The following CTNNA3 variants were observed in gnomAD, a reference collection of about 807,000 sequenced individuals.
CTNNA3 encodes the protein catenin alpha 3.
In CTNNA3, 76 loss-of-function variants were observed where a neutral mutation model predicts 95.7. The observed-to-expected ratio is 0.79, with a 90% confidence interval of 0.66 to 0.96. CTNNA3 has a LOEUF of 0.96. CTNNA3 is among the 40% of genes least tolerant of loss of function. The pLI, the probability that CTNNA3 is intolerant of heterozygous loss-of-function variation, is 0.00. For missense variants in CTNNA3, 1,191 were observed against 1,089.8 expected, an observed-to-expected ratio of 1.09 and a Z score of -1.31; for synonymous variants, 431 against 374.4, an observed-to-expected ratio of 1.15 and a Z score of -1.74.
At chr10:67,712,369 A>G (rs1008275726) in intron 1 of CTNNA3, among the ~76,000 whole-genome samples, 1 of 152,222 alleles carries the variant, frequency 6.6e-6, no homozygotes, top group Non-Finnish European at 1.5e-5. Flanking sequence ...AAGCCCCAAG[A>G]CAATGGGGAA....
intron 11 of CTNNA3, among the ~76,000 whole-genome samples, chr10:66,396,413 A>G (rs1476613070): frequency 6.6e-6 from 1 of 152,076 alleles, no homozygotes; most frequent in Non-Finnish European, 1.5e-5. Flanking sequence ...TTTAAAAAGT[A>G]TTGAAATAAC....
chr10:67,342,099 C>CAT (rs1554824819), intron 5 of CTNNA3, among the ~76,000 whole-genome samples: 60 of 83,684 alleles, frequency 7.2e-4, no homozygotes, highest in African/African-American at 2.5e-3. Flanking sequence ...TATTTTTCTT[C>CAT]TTTTTTTTTT....
chr10:66,376,974 G>A (rs1321018090), intron 12 of CTNNA3, among the ~76,000 whole-genome samples: 1 of 152,122 alleles, frequency 6.6e-6, no homozygotes, highest in South Asian at 2.1e-4. Flanking sequence ...GTCTCCATGG[G>A]AAAGAAAATT....
intron 7 of CTNNA3, among the ~76,000 whole-genome samples, chr10:66,863,515 C>T (rs9415864): frequency 0.12 from 18,578 of 151,882 alleles, 1,497 homozygotes; most frequent in East Asian, 0.28. Flanking sequence ...GAAGATTGAG[C>T]CAACAGGATT....
intron 7 of CTNNA3, among the ~76,000 whole-genome samples, chr10:67,121,367 A>C (rs2131993532): frequency 6.6e-6 from 1 of 152,170 alleles, no homozygotes; most frequent in Non-Finnish European, 1.5e-5. Flanking sequence ...CATGAACAAA[A>C]CCAATTTGAT....
chr10:66,261,774 G>T (rs552221603), intron 13 of CTNNA3, among the ~76,000 whole-genome samples: 1 of 151,896 alleles, frequency 6.6e-6, no homozygotes, highest in East Asian at 1.9e-4. Flanking sequence ...CAATTCCAGT[G>T]AAACAGCTGA....
chr10:67,156,051 T>C (rs1861297553), intron 7 of CTNNA3, among the ~76,000 whole-genome samples: 1 of 152,150 alleles, frequency 6.6e-6, no homozygotes, highest in African/African-American at 2.4e-5. Context: ...CATTCAGCCA[T>C]TTCTTCTGGG....
At chr10:67,236,664 T>C (rs541003776) in intron 5 of CTNNA3, among the ~76,000 whole-genome samples, 11 of 149,398 alleles carry the variant, frequency 7.4e-5, no homozygotes, top group Non-Finnish European at 3.0e-5. Context: ...AGTATAATAA[T>C]AATAAATAAA....
chr10:67,511,032 A>G (rs1007119016), intron 5 of CTNNA3, among the ~76,000 whole-genome samples: 1 of 152,200 alleles, frequency 6.6e-6, no homozygotes, highest in African/African-American at 2.4e-5. Flanking sequence ...TGATTTTTGC[A>G]CATTGATTTT....
At chr10:67,725,840 T>C (rs1202734156) in intron 1 of CTNNA3, among the ~76,000 whole-genome samples, 1 of 148,984 alleles carries the variant, frequency 6.7e-6, no homozygotes, top group Non-Finnish European at 1.5e-5. Context: ...TTAAGTCTTA[T>C]TGTAAATACG....
At chr10:66,878,584 C>T (rs887385359) in intron 7 of CTNNA3, among the ~76,000 whole-genome samples, 1 of 152,080 alleles carries the variant, frequency 6.6e-6, no homozygotes, top group Admixed American at 6.6e-5. Context: ...AATGGAGCTG[C>T]CCTCTGCCTG....
intron 9 of CTNNA3, among the ~76,000 whole-genome samples, chr10:66,741,341 A>C (rs1309111995): frequency 1.3e-5 from 2 of 152,196 alleles, no homozygotes; most frequent in Non-Finnish European, 2.9e-5. Context: ...CAGGTAAGTC[A>C]AAATACAAAG....
At position 66,480,167 on chromosome 10, in the gene CTNNA3, TA is replaced by T. The variant is rs1360111431; in HGVS notation, c.1531+40449del. 5.3e-5 allele frequency among the ~76,000 whole-genome samples: 8 copies of T among 152,294 alleles called. No individual in the cohort carries two copies. In the South Asian group the frequency reaches 1.2e-3, roughly 24 times the overall value. On this transcript the variant is annotated intron_variant, in intron 11 of 17. Coordinates refer to ENST00000433211, the MANE Select transcript of CTNNA3 (RefSeq NM_013266.4). ...GCTATTTACTCCTTGTTTGAGTAAA[TA>T]AACTAGAGAAATTCAATTTCTTCTC...
intron 13 of CTNNA3, among the ~76,000 whole-genome samples, chr10:66,190,924 T>G (rs962789656): frequency 3.3e-5 from 5 of 152,120 alleles, no homozygotes; most frequent in African/African-American, 1.2e-4. Context: ...CGGATGACCT[T>G]CAGAAAGTAT....
chr10:66,516,143 A>G (rs1840849950), intron 11 of CTNNA3, among the ~76,000 whole-genome samples: 1 of 151,798 alleles, frequency 6.6e-6, no homozygotes, highest in South Asian at 2.1e-4. Flanking sequence ...TACAAAAAAG[A>G]TCTAGAGGGC....
intron 10 of CTNNA3, among the ~76,000 whole-genome samples, chr10:66,610,265 C>CA (rs34228303): frequency 0.66 from 100,136 of 151,858 alleles, 34,006 homozygotes; most frequent in East Asian, 0.91. Context: ...GTTCCTGGAG[C>CA]AATGCTTCAG....
At chr10:67,207,180 T>G (rs1322613061) in intron 6 of CTNNA3, among the ~76,000 whole-genome samples, 1 of 152,102 alleles carries the variant, frequency 6.6e-6, no homozygotes, top group African/African-American at 2.4e-5. Flanking sequence ...ACAGATACAA[T>G]TTTAAATGGA....
chr10:66,106,218 A>AT lies in CTNNA3; in HGVS notation c.1885-2970_1885-2969insA, dbSNP rs1365393214. ...GTGAAACTCCATCTCAAAAAAAAAA[A>AT]AAGAAAAAAAAATGGGGTGGGAAAG... On this transcript the variant is annotated intron_variant, in intron 13 of 17. Coordinates refer to ENST00000433211, the MANE Select transcript of CTNNA3 (RefSeq NM_013266.4). 4.8e-5 allele frequency among the ~76,000 whole-genome samples: 7 copies of AT among 144,870 alleles called. 1 individual carries two copies.
chr10:66,071,830 C>A (rs1554839902), intron 14 of CTNNA3, among the ~76,000 whole-genome samples: 2 of 152,128 alleles, frequency 1.3e-5, no homozygotes, highest in Non-Finnish European at 2.9e-5. Context: ...AGATTCAGTT[C>A]TTTACTCTCT....
Sources: gnomAD v4.1 joint callset for allele counts (sites outside exome capture counted in the v4.1 genomes callset) on GRCh38, gnomAD v4.1.1 for gene constraint, MANE v1.5 for transcripts, NCBI Gene and HGNC (gene_info 2026-07-23, HGNC 2026-07-21) for gene names.